CFAP45: variants seen among roughly 807,000 people sequenced by gnomAD.
The protein encoded by CFAP45 is cilia and flagella associated protein 45.
A neutral mutation model predicts 75.6 loss-of-function variants in CFAP45; 43 were observed. That is an observed-to-expected ratio of 0.57 (90% CI 0.45 to 0.73). The LOEUF is 0.73. Ranked by LOEUF, CFAP45 falls within the 30% of genes least tolerant of loss-of-function variation. The pLI is 0.00. For missense variants in CFAP45, 689 were observed against 701.5 expected, an observed-to-expected ratio of 0.98 and a Z score of 0.20; for synonymous variants, 223 against 244.6, an observed-to-expected ratio of 0.91 and a Z score of 0.82.
Position 159,880,546 on chromosome 1 carries a change from G to A in CFAP45, c.1044+8C>T, listed in dbSNP as rs1457034336. ...CCTAACCAAAGGTCCCAGAAACCAA[G>A]TCCCTACCATCTTCTTCTTGGTAAA... is the stretch of plus-strand genomic sequence containing the variant. On this transcript the variant is annotated splice_region_variant and intron_variant, in intron 8 of 11. Coordinates refer to ENST00000368099, the MANE Select transcript of CFAP45 (RefSeq NM_012337.3). 1 of 1,610,882 alleles carries A rather than the reference G, an allele frequency of 6.2e-7. No individual in the cohort carries two copies. Among genetic ancestry groups the A allele is most frequent in the Non-Finnish European group, 8.5e-7 (1 of 1,178,380 alleles).
At chr1:159,875,072 A>G (rs1051830618) in intron 10 of CFAP45, among the ~76,000 whole-genome samples, 1 of 152,232 alleles carries the variant, frequency 6.6e-6, no homozygotes, top group South Asian at 2.1e-4. Flanking sequence ...AGGCCTAGAT[A>G]CTAACCTACA....
At chr1:159,879,013 G>A (rs960289583) in intron 8 of CFAP45, among the ~76,000 whole-genome samples, 3 of 152,068 alleles carry the variant, frequency 2.0e-5, no homozygotes, top group African/African-American at 4.8e-5. Flanking sequence ...TGTGATATAC[G>A]TAGATACTTA....
rs1468484799 is a variant in CFAP45 at position 159,872,424 on chromosome 1, T to C, written c.*61A>G. The C allele has an allele frequency of 8.0e-7, 1 of 1,257,858 alleles. No homozygotes were observed. Among genetic ancestry groups the C allele is most frequent in the Admixed American group, 1.7e-5 (1 of 59,224 alleles). 77.9% of individuals were successfully genotyped at this position (1,257,858 alleles called of 1,614,324 possible). ...TGTCTAGGTTAGCAGCAATTATGGA[T>C]GCCCAGAGACTGGGCAGAATCTGTC... On this transcript the variant is annotated 3_prime_UTR_variant, in exon 12 of 12. Transcript: ENST00000368099.
intron 1 of CFAP45, among the ~76,000 whole-genome samples, chr1:159,899,057 A>G (rs1358516286): frequency 6.6e-6 from 1 of 152,166 alleles, no homozygotes; most frequent in Non-Finnish European, 1.5e-5. Context: ...GGTCAGTTCC[A>G]ATAACCCAAG....
intron 8 of CFAP45, among the ~76,000 whole-genome samples, chr1:159,880,159 A>C (rs909954681): frequency 1.3e-5 from 2 of 152,194 alleles, no homozygotes; most frequent in Non-Finnish European, 2.9e-5. Context: ...AGGATGTCCA[A>C]TATAGGCATT....
chr1:159,875,163 T>G (rs112763754), intron 10 of CFAP45, among the ~76,000 whole-genome samples: 33 of 152,380 alleles, frequency 2.2e-4, no homozygotes, highest in African/African-American at 7.7e-4. Flanking sequence ...AGGCAAATGA[T>G]GCAAAGGAAA....
chr1:159,893,075 T>A, intron 2 of CFAP45, 105 bp downstream of exon 2: 1 of 1,311,148 alleles, frequency 7.6e-7, no homozygotes, highest in South Asian at 1.3e-5. Context: ...AGTCTGAGAG[T>A]TACCTACGAG....
chr1:159,879,973 T>C (rs1244601424), intron 8 of CFAP45, among the ~76,000 whole-genome samples: 1 of 152,210 alleles, frequency 6.6e-6, no homozygotes, highest in Non-Finnish European at 1.5e-5. Context: ...TCCCCGTAGA[T>C]CCCAATCATT....
At chr1:159,880,789 A>AG in intron 7 of CFAP45, 89 bp from the exon 8 acceptor site, 2 of 1,300,262 alleles carry the variant, frequency 1.5e-6, no homozygotes, top group Non-Finnish European at 2.2e-6. Flanking sequence ...CAGACAGAGG[A>AG]GGGGGCAAAT....
At chr1:159,894,658 A>G (rs1195350187) in intron 1 of CFAP45, among the ~76,000 whole-genome samples, 2 of 152,106 alleles carry the variant, frequency 1.3e-5, no homozygotes, top group Non-Finnish European at 2.9e-5. Flanking sequence ...CTAACTTCCT[A>G]TTTTGGCAAA....
At chr1:159,889,398 T>C (rs1649773786) in intron 3 of CFAP45, among the ~76,000 whole-genome samples, 2 of 151,892 alleles carry the variant, frequency 1.3e-5, no homozygotes, top group South Asian at 2.1e-4. Flanking sequence ...ATAAAACTAA[T>C]GTGTGTGTGT....
At position 159,890,606 on chromosome 1, in the gene CFAP45, T is replaced by C. The variant is rs747617122; in HGVS notation, c.146A>G (p.Gln49Arg). Reference sequence around the variant, plus strand: ...GAGCAGCACAATGGGGCTGTCGCTCTGGCCCTGGGCTGGGGACTATGAGTT... The same window carrying C: ...GAGCAGCACAATGGGGCTGTCGCTCCGGCCCTGGGCTGGGGACTATGAGTT... ...FGDIKSPAQG[Q>R]SDSPIVLLRD... The change falls in exon 3 of 12, where the codon CAG becomes CGG. Residue 49 changes from glutamine (Q) to arginine (R), a missense_variant. By Grantham distance (43) the Gln-to-Arg change is conservative. Coordinates refer to ENST00000368099, the MANE Select transcript of CFAP45 (RefSeq NM_012337.3). The C allele has an allele frequency of 1.2e-5, 19 of 1,614,022 alleles. No homozygotes were observed. In the African/African-American group the frequency reaches 2.1e-4, roughly 18 times the overall value.
chr1:159,896,768 C>T (rs750222867), intron 1 of CFAP45, among the ~76,000 whole-genome samples: 4 of 152,262 alleles, frequency 2.6e-5, no homozygotes, highest in East Asian at 1.9e-4. Flanking sequence ...TTGATATTTT[C>T]GTCTTGGTGA....
intron 4 of CFAP45, 46 bp from the exon 5 acceptor site, chr1:159,888,057 C>CT: frequency 6.3e-7 from 1 of 1,591,780 alleles, no homozygotes; most frequent in East Asian, 2.2e-5. Context: ...TTCATGCGCT[C>CT]TGTGCCCTGG....
chr1:159,885,838 A>G (rs1485528427), intron 6 of CFAP45, among the ~76,000 whole-genome samples: 1 of 152,184 alleles, frequency 6.6e-6, no homozygotes, highest in African/African-American at 2.4e-5. Flanking sequence ...AAAGCTATAT[A>G]TAAAGGGAAG....
chr1:159,890,464 G>A lies in CFAP45; in HGVS notation c.272+16C>T, dbSNP rs746530161. The A allele has an allele frequency of 6.2e-7, 1 of 1,613,704 alleles. No homozygotes were observed. Among genetic ancestry groups the A allele is most frequent in the Non-Finnish European group, 8.5e-7 (1 of 1,179,706 alleles). On this transcript the variant is annotated intron_variant, in intron 3 of 11. Coordinates refer to ENST00000368099, the MANE Select transcript of CFAP45 (RefSeq NM_012337.3). The stretch of plus-strand genomic sequence containing the variant: ...ATGAGGACTGGACATAGAAGGGCAG[G>A]GGACGGTGTACTCACATGAGTTCTC...
intron 9 of CFAP45, 137 bp from the exon 10 acceptor site, chr1:159,876,886 A>G: frequency 2.4e-6 from 2 of 829,702 alleles, no homozygotes; most frequent in Non-Finnish European, 3.9e-6. Flanking sequence ...GCAGCTAGTT[A>G]TTCTAGGAAA....
At chr1:159,897,169 C>T (rs998274710) in intron 1 of CFAP45, among the ~76,000 whole-genome samples, 1 of 152,068 alleles carries the variant, frequency 6.6e-6, no homozygotes. Flanking sequence ...GAGGCTGAGG[C>T]GGAAGGATTG....
chr1:159,892,780 T>C (rs143665452), intron 2 of CFAP45, among the ~76,000 whole-genome samples: 125 of 152,302 alleles, frequency 8.2e-4, no homozygotes, highest in Non-Finnish European at 1.6e-3. Context: ...GGAGGATGGT[T>C]TTGTGTTGTA....
Sources: allele counts gnomAD v4.1 joint callset (sites outside exome capture counted in the v4.1 genomes callset), GRCh38; gene constraint gnomAD v4.1.1; transcripts MANE v1.5; gene names NCBI Gene and HGNC (gene_info 2026-07-23, HGNC 2026-07-21).